The following NFIB variants were observed in gnomAD, a reference collection of about 807,000 sequenced individuals.
The protein encoded by NFIB is nuclear factor I B.
A neutral mutation model predicts 61.5 loss-of-function variants in NFIB; 11 were observed. That is an observed-to-expected ratio of 0.18 (90% CI 0.11 to 0.30). The LOEUF (loss-of-function observed/expected upper bound fraction) is 0.30, where lower values mean the gene tolerates loss of function less well. Among genes scored for constraint, NFIB ranks in the 10% least tolerant of loss-of-function variants. NFIB has a pLI of 1.00. For missense variants in NFIB, 471 were observed against 608.9 expected (o/e 0.77, Z 2.38); for synonymous variants, 260 against 216.5 (o/e 1.20, Z -1.76).
chr9:14,358,822 C>G lies in NFIB; in HGVS notation c.108+39702G>C, dbSNP rs539627551. On this transcript the variant is annotated intron_variant, in intron 1 of 8. Coordinates refer to the NFIB transcript ENST00000380934. ...GGTAAATGTTCAGAAATTTCATGTG[C>G]CAGTTGTTAAACACTCACCATTAAA... Among the ~76,000 whole-genome samples, 9 of 152,266 alleles carry G rather than the reference C, an allele frequency of 5.9e-5. No homozygotes were observed. In the South Asian group the frequency reaches 1.5e-3, roughly 25 times the overall value.
chr9:14,335,104 AT>A (rs2060870006), intron 1 of NFIB, among the ~76,000 whole-genome samples: 2 of 152,140 alleles, frequency 1.3e-5, no homozygotes, highest in Admixed American at 1.3e-4. Context: ...GTTTTTTCCA[AT>A]TTTTGGCTAT....
upstream of NFIB, among the ~76,000 whole-genome samples, chr9:14,399,295 G>C (rs187065756): frequency 2.6e-4 from 40 of 152,236 alleles, no homozygotes; most frequent in African/African-American, 7.7e-4. Flanking sequence ...CTAGATAGTT[G>C]GATGGAATAA....
chr9:14,275,272 T>TA (rs2057916812), intron 2 of NFIB, among the ~76,000 whole-genome samples: 3 of 152,284 alleles, frequency 2.0e-5, no homozygotes, highest in African/African-American at 4.8e-5. Flanking sequence ...ATGAGTAACT[T>TA]AGAGTTCAAT....
At chr9:14,363,213 A>G (rs887135360) in intron 1 of NFIB, among the ~76,000 whole-genome samples, 2 of 151,814 alleles carry the variant, frequency 1.3e-5, no homozygotes, top group African/African-American at 4.8e-5. Flanking sequence ...ACACTCCCTC[A>G]CCCCCACTCC....
the NFIB span, among the ~76,000 whole-genome samples, chr9:14,435,700 C>G: frequency 6.6e-6 from 1 of 152,154 alleles, no homozygotes. Context: ...AGAGGTCACT[C>G]TAAAACAAAA....
rs1296693232 is a variant in NFIB at position 14,208,912 on chromosome 9, C to A, written c.563-29132G>T. Among the ~76,000 whole-genome samples the A allele has an allele frequency of 5.3e-5, 8 of 152,026 alleles. 1 individual carries two copies. The highest frequency in any genetic ancestry group is 5.2e-4 in the Admixed American group (8 of 15,254). On this transcript the variant is annotated intron_variant, in intron 2 of 10. Coordinates refer to ENST00000380953, the MANE Select transcript of NFIB (RefSeq NM_001190737.2). ...GATATTATTTCTGCCCTCATCTCTTCCTTGCAACACCCCACCCATAAGGGA... is the reference window on the plus strand; with the variant it reads ...GATATTATTTCTGCCCTCATCTCTTACTTGCAACACCCCACCCATAAGGGA...
chr9:14,210,059 T>G (rs1807647318), intron 2 of NFIB, among the ~76,000 whole-genome samples: 1 of 152,228 alleles, frequency 6.6e-6, no homozygotes, highest in African/African-American at 2.4e-5. Context: ...AATTGGTAGC[T>G]ATGTATTTGT....
intron 2 of NFIB, among the ~76,000 whole-genome samples, chr9:14,225,188 C>T (rs2052211267): frequency 6.6e-6 from 1 of 151,966 alleles, no homozygotes; most frequent in Admixed American, 6.6e-5. Context: ...AAACTGTAAC[C>T]TCGTTTTTTA....
intron 1 of NFIB, among the ~76,000 whole-genome samples, chr9:14,382,395 T>C (rs77621195): frequency 3.2e-3 from 491 of 151,460 alleles, no homozygotes; most frequent in Non-Finnish European, 5.6e-3. Context: ...GTCTGTCCAT[T>C]TGTGGTTCTT....
At chr9:14,456,572 A>G in the NFIB span, among the ~76,000 whole-genome samples, 1 of 152,308 alleles carries the variant, frequency 6.6e-6, no homozygotes, top group African/African-American at 2.4e-5. Context: ...ATTGGCTCTT[A>G]TTCATATGAA....
At chr9:14,381,090 A>G (rs957979542) in intron 1 of NFIB, among the ~76,000 whole-genome samples, 4 of 146,910 alleles carry the variant, frequency 2.7e-5, no homozygotes, top group African/African-American at 5.2e-5. Flanking sequence ...AAAAAAAAAA[A>G]AAAAAAGATA....
intron 2 of NFIB, chr9:14,305,992 A>G (rs2132692036): frequency 7.5e-7 from 1 of 1,332,338 alleles, no homozygotes; most frequent in Non-Finnish European, 9.9e-7. Flanking sequence ...ATCTTGATGC[A>G]TTTATTTGAA....
intron 1 of NFIB, among the ~76,000 whole-genome samples, chr9:14,376,003 T>C (rs977621790): frequency 6.6e-6 from 1 of 152,200 alleles, no homozygotes; most frequent in African/African-American, 2.4e-5. Context: ...CCAAAATAAA[T>C]ACTTTCACAC....
At chr9:14,412,597 G>C in the NFIB span, among the ~76,000 whole-genome samples, 3 of 152,128 alleles carry the variant, frequency 2.0e-5, no homozygotes, top group East Asian at 1.9e-4. Context: ...ATCGGTTGTA[G>C]GGCTTCCAGA....
In NFIB at chr9:14,257,544, C is replaced by T. The variant is rs570962430; in HGVS notation, c.562+49445G>A. On this transcript the variant is annotated intron_variant, in intron 2 of 10. Transcript: ENST00000380953. ...GCCAAGGTGGGTGGATCACCTGAGTCGGGAGTTTGAGACCAGCCTGGCCAA... is the reference window on the plus strand; with the variant it reads ...GCCAAGGTGGGTGGATCACCTGAGTTGGGAGTTTGAGACCAGCCTGGCCAA... Among the ~76,000 whole-genome samples the T allele has an allele frequency of 1.8e-3, 280 of 152,236 alleles. 3 individuals carry two copies. The highest frequency in any genetic ancestry group is 3.4e-3 in the Middle Eastern group (1 of 294).
At chr9:14,515,749 G>T in the NFIB span, among the ~76,000 whole-genome samples, 13 of 152,356 alleles carry the variant, frequency 8.5e-5, no homozygotes, top group African/African-American at 2.9e-4. Context: ...GGCTGACTCA[G>T]TGGGTTGGGG....
chr9:14,349,202 A>C (rs917933053), intron 1 of NFIB, among the ~76,000 whole-genome samples: 1 of 152,176 alleles, frequency 6.6e-6, no homozygotes, highest in Non-Finnish European at 1.5e-5. Flanking sequence ...GCCTGTTGGG[A>C]GAATTTTTGG....
chr9:14,211,411 A>T (rs1426590544), intron 2 of NFIB, among the ~76,000 whole-genome samples: 1 of 152,238 alleles, frequency 6.6e-6, no homozygotes, highest in Non-Finnish European at 1.5e-5. Context: ...GGAATACATA[A>T]ATTGGGTCTA....
chr9:14,266,739 C>A (rs887656873), intron 2 of NFIB, among the ~76,000 whole-genome samples: 1 of 152,118 alleles, frequency 6.6e-6, no homozygotes, highest in Non-Finnish European at 1.5e-5. Flanking sequence ...TCTCCCTTAC[C>A]CTCTACATCT....
Sources: allele counts gnomAD v4.1 joint callset (sites outside exome capture counted in the v4.1 genomes callset), GRCh38; gene constraint gnomAD v4.1.1; transcripts MANE v1.5; gene names NCBI Gene and HGNC (gene_info 2026-07-23, HGNC 2026-07-21).